NUDT7: variants seen among roughly 807,000 people sequenced by gnomAD.
The protein encoded by NUDT7 is nudix hydrolase 7.
NUDT7 carries 19 observed loss-of-function variants against 13.1 expected under a neutral mutation model. That is an observed-to-expected ratio of 1.45 (90% CI 1.01 to 2.13). NUDT7 has a LOEUF of 2.13. Ranked by LOEUF, NUDT7 falls within the 30% of genes most tolerant of loss-of-function variation. The pLI, the probability that NUDT7 is intolerant of heterozygous loss-of-function variation, is 0.00. For synonymous variants in NUDT7, 132 were observed against 109.7 expected (o/e 1.20, Z -1.27); for missense variants, 360 against 291.7 (o/e 1.23, Z -1.71).
intron 1 of NUDT7, among the ~76,000 whole-genome samples, chr16:77,723,051 T>C (rs77113273): frequency 1.3e-5 from 2 of 152,100 alleles, no homozygotes; most frequent in Non-Finnish European, 2.9e-5. Flanking sequence ...TGCCGGGCTG[T>C]TGTGAGGATA....
chr16:77,734,427 G>T (rs958989975), intron 2 of NUDT7, among the ~76,000 whole-genome samples: 4 of 152,132 alleles, frequency 2.6e-5, no homozygotes, highest in Non-Finnish European at 5.9e-5. Flanking sequence ...ATCGAGACCA[G>T]TCTGGCTAAC....
At position 77,727,471 on chromosome 16, in the gene NUDT7, G is replaced by A. The variant is rs570748816; in HGVS notation, c.189+1887G>A. On this transcript the variant is annotated intron_variant, in intron 2 of 3. Transcript: ENST00000268533. Reference sequence around the variant, plus strand: ...ACATGATAGAAATCCAGGTTCCAGGGGGAAATACTTAAATGGAAACCAGGG... The same window carrying A: ...ACATGATAGAAATCCAGGTTCCAGGAGGAAATACTTAAATGGAAACCAGGG... Among the ~76,000 whole-genome samples, 3 of 152,312 alleles carry A rather than the reference G, an allele frequency of 2.0e-5. No homozygotes were observed. The East Asian group carries it at 5.8e-4, about 29-fold the overall frequency.
intron 2 of NUDT7, among the ~76,000 whole-genome samples, chr16:77,734,715 C>T (rs1267578678): frequency 6.6e-6 from 1 of 150,914 alleles, no homozygotes; most frequent in Non-Finnish European, 1.5e-5. Context: ...ACTATTCAGC[C>T]ATAAAAAAGG....
chr16:77,725,307 T>G (rs766567212), intron 1 of NUDT7, 124 bp from the exon 2 acceptor site: 65 of 797,672 alleles, frequency 8.1e-5, no homozygotes, highest in Non-Finnish European at 1.1e-4. Context: ...TATTGAAAAA[T>G]ACACAGAGAG....
chr16:77,733,407 A>T (rs59159269), intron 2 of NUDT7, among the ~76,000 whole-genome samples: 4 of 152,296 alleles, frequency 2.6e-5, no homozygotes, highest in African/African-American at 7.2e-5. Context: ...GGTCTCTTTT[A>T]TAAGGGCATT....
chr16:77,724,771 T>C (rs1431790150), intron 1 of NUDT7, among the ~76,000 whole-genome samples: 1 of 152,190 alleles, frequency 6.6e-6, no homozygotes, highest in Admixed American at 6.5e-5. Context: ...CAAGTCCACA[T>C]AGGAAGGGCA....
In NUDT7 at chr16:77,742,159, C is replaced by A. The variant is rs1027789147; in HGVS notation, c.*209C>A. 13 of 1,228,914 alleles carry A rather than the reference C, an allele frequency of 1.1e-5. No individual in the cohort carries two copies. In the African/African-American group the frequency reaches 1.4e-4, roughly 13 times the overall value. The allele number at this position is 1,228,914 out of a possible 1,614,324, so 76.1% of individuals were successfully genotyped here. On this transcript the variant is annotated 3_prime_UTR_variant, in exon 4 of 4. Coordinates refer to ENST00000268533, the MANE Select transcript of NUDT7 (RefSeq NM_001105663.3). ...AATGAAAACTATGTTCATAGTGTTG[C>A]ATATTTTCACCCACAATATGTTAAT...
At chr16:77,727,819 T>G (rs1394551592) in intron 2 of NUDT7, among the ~76,000 whole-genome samples, 2 of 152,026 alleles carry the variant, frequency 1.3e-5, no homozygotes, top group Non-Finnish European at 2.9e-5. Flanking sequence ...ATCGTGCCAC[T>G]GCACTCCAGC....
At chr16:77,739,124 A>G (rs1430966482) in intron 3 of NUDT7, among the ~76,000 whole-genome samples, 1 of 152,176 alleles carries the variant, frequency 6.6e-6, no homozygotes, top group Non-Finnish European at 1.5e-5. Context: ...AGGGCTTCTG[A>G]TAACTCACTG....
chr16:77,737,520 C>G (rs1463438604), intron 3 of NUDT7: 1 of 151,888 alleles, frequency 6.6e-6, no homozygotes, highest in Non-Finnish European at 1.5e-5. Context: ...AAGTCTCGCT[C>G]TGTCGCCCGG....
chr16:77,731,540 A>G (rs901980048), intron 2 of NUDT7, among the ~76,000 whole-genome samples: 1 of 152,202 alleles, frequency 6.6e-6, no homozygotes, highest in Admixed American at 6.5e-5. Context: ...TGCACAATAT[A>G]TAATACTTGA....
intron 3 of NUDT7, among the ~76,000 whole-genome samples, chr16:77,741,095 TC>T (rs1306543187): frequency 6.6e-6 from 1 of 152,172 alleles, no homozygotes; most frequent in African/African-American, 2.4e-5. Context: ...AAGATGTCTA[TC>T]CCATTGTTTT....
Position 77,724,735 on chromosome 16 carries a change from G to T in NUDT7, c.36-696G>T, listed in dbSNP as rs568507958. Among the ~76,000 whole-genome samples, 45 of 152,350 alleles carry T rather than the reference G, an allele frequency of 3.0e-4. 1 individual carries two copies. The highest frequency in any genetic ancestry group is 9.9e-4 in the African/African-American group (41 of 41,586). On this transcript the variant is annotated intron_variant, in intron 1 of 3. Transcript: ENST00000268533. ...CAACCCACTATACAAACTAGCAGTA[G>T]AACACACCTGTCAAAAGGACCAAAA...
chr16:77,733,328 C>A (rs2014376380), intron 2 of NUDT7, among the ~76,000 whole-genome samples: 1 of 152,150 alleles, frequency 6.6e-6, no homozygotes, highest in Non-Finnish European at 1.5e-5. Context: ...TGGTGAGGGC[C>A]CTGTTTCAGT....
chr16:77,739,554 G>A (rs139447190), intron 3 of NUDT7, among the ~76,000 whole-genome samples: 17 of 152,250 alleles, frequency 1.1e-4, no homozygotes, highest in African/African-American at 3.4e-4. Flanking sequence ...GTTTTGGTGC[G>A]TTTTGATGGC....
chr16:77,735,590 G>A, intron 2 of NUDT7: 1 of 580,384 alleles, frequency 1.7e-6, no homozygotes, highest in Non-Finnish European at 3.1e-6. Flanking sequence ...GATTAATACA[G>A]TGTGTGGTAT....
intron 2 of NUDT7, chr16:77,735,371 C>CCT: frequency 1.8e-6 from 1 of 541,264 alleles, no homozygotes. Context: ...ACCTCCCCTC[C>CCT]CTCTCTCTGT....
intron 2 of NUDT7, among the ~76,000 whole-genome samples, chr16:77,727,235 TC>T (rs1315345076): frequency 6.6e-6 from 1 of 152,126 alleles, no homozygotes; most frequent in Non-Finnish European, 1.5e-5. Flanking sequence ...GTGGGGAACT[TC>T]CAAGGAAAAG....
intron 1 of NUDT7, among the ~76,000 whole-genome samples, chr16:77,724,633 A>C (rs1464715133): frequency 6.6e-6 from 1 of 152,182 alleles, no homozygotes; most frequent in Non-Finnish European, 1.5e-5. Flanking sequence ...TTACATCTGA[A>C]AAGATCCTAT....
Sources: gnomAD v4.1 joint callset for allele counts (sites outside exome capture counted in the v4.1 genomes callset) on GRCh38, gnomAD v4.1.1 for gene constraint, MANE v1.5 for transcripts, NCBI Gene and HGNC (gene_info 2026-07-23, HGNC 2026-07-21) for gene names.